The following DNAH14 variants were observed in gnomAD, a reference collection of about 807,000 sequenced individuals.
DNAH14 encodes the protein axonemal beta dynein heavy chain 14.
Under a neutral mutation model 520.9 loss-of-function variants are expected in DNAH14, and 478 were observed. The ratio of observed to expected loss-of-function variants is 0.92; its 90% CI spans 0.85 to 0.99. The LOEUF is 0.99. Among genes scored for constraint, DNAH14 ranks in the 50% least tolerant of loss-of-function variants. The probability of loss-of-function intolerance (pLI) is 0.00; values close to 1 mark genes in which losing one functional copy is unlikely to be tolerated. For missense variants in DNAH14, 4,831 were observed against 5,234.5 expected, an observed-to-expected ratio of 0.92 and a Z score of 2.38; for synonymous variants, 1,581 against 1,757.2, an observed-to-expected ratio of 0.90 and a Z score of 2.51.
intron 41 of DNAH14, among the ~76,000 whole-genome samples, chr1:225,229,772 G>C (rs547051328): frequency 3.3e-5 from 5 of 152,138 alleles, no homozygotes; most frequent in African/African-American, 1.2e-4. Flanking sequence ...TGTCAGGGGT[G>C]GGGGTCAAGG....
At position 224,959,258 on chromosome 1, in the gene DNAH14, C is replaced by A. The variant is rs768367302; in HGVS notation, c.218-895C>A. On this transcript the variant is annotated intron_variant, in intron 3 of 85. Transcript: ENST00000682510. ...ACAGTCCTCTTGTTTTCTTATCTTT[C>A]TCTCATCCCCAGCCACCCTCCTCCT... Among the ~76,000 whole-genome samples, 114 of 151,990 alleles carry A rather than the reference C, an allele frequency of 7.5e-4. 3 individuals carry two copies. Among genetic ancestry groups the A allele is most frequent in the Admixed American group, 2.0e-4 (3 of 15,220 alleles).
At position 225,367,932 on chromosome 1, in the gene DNAH14, T is replaced by G. The variant is rs760882266; in HGVS notation, c.12218T>G (p.Leu4073Ter). The G allele has an allele frequency of 3.9e-6, 6 of 1,551,560 alleles. No individual in the cohort carries two copies. In the African/African-American group the frequency reaches 4.1e-5, roughly 11 times the overall value. Residue 4073 changes from leucine (L) to a stop codon, truncating the protein, a stop_gained, in exon 77 of 86, where the codon TTA (leucine) becomes TGA (stop). Coordinates refer to ENST00000682510, the MANE Select transcript of DNAH14 (RefSeq NM_001367479.1). LOFTEE classifies it high-confidence loss of function. ...TGTGGACAATGGTGGAAAAAACTTT[T>G]ATTTAGCCTATGTTTTTTCAATGCT... ...PDCGQWWKKLLFSLCFFNAVI... is the reference protein window; with the variant it reads ...PDCGQWWKKL
At position 225,140,873 on chromosome 1, in the gene DNAH14, G is replaced by C. The variant is rs1239880626; in HGVS notation, c.4360G>C (p.Val1454Leu). Reference protein sequence around the residue: ...HAGLMCHLEEVADLVVLDTSN... With the variant: ...HAGLMCHLEELADLVVLDTSN... ...TGGTCTGATGTGTCATCTAGAAGAG[G>C]TTGCAGACCTGGTAGTGCTGGATAC... The change falls in exon 28 of 86, where the codon GTT (valine) becomes CTT (leucine). Residue 1454 changes from valine to leucine, a missense_variant. Val to Leu is a conservative substitution (Grantham distance 32). Transcript: ENST00000682510. 1.3e-6 allele frequency: 2 copies of C among 1,551,160 alleles called. No homozygotes were observed. Among genetic ancestry groups the C allele is most frequent in the Non-Finnish European group, 1.7e-6 (2 of 1,146,924 alleles).
chr1:225,314,734 T>A (rs2094435981), intron 60 of DNAH14, among the ~76,000 whole-genome samples: 1 of 152,204 alleles, frequency 6.6e-6, no homozygotes, highest in East Asian at 1.9e-4. Flanking sequence ...TGGTTGAAAA[T>A]TATTTTCTTT....
intron 54 of DNAH14, among the ~76,000 whole-genome samples, chr1:225,279,118 T>C (rs1009792075): frequency 6.6e-6 from 1 of 152,158 alleles, no homozygotes; most frequent in Admixed American, 6.5e-5. Flanking sequence ...TACTTCAGCC[T>C]CCTGAGTAGC....
At chr1:225,242,132 G>A (rs990623672) in intron 43 of DNAH14, among the ~76,000 whole-genome samples, 6 of 152,108 alleles carry the variant, frequency 3.9e-5, no homozygotes, top group African/African-American at 1.2e-4. Flanking sequence ...TACTTGGAAG[G>A]CTGAGGTGAG....
rs1287846189 is a variant in DNAH14 at position 225,374,863 on chromosome 1, A to G, written c.12494A>G (p.Asp4165Gly). The stretch of plus-strand genomic sequence containing the variant: ...TGTAATCCTGAAGTGCTGAAAGATG[A>G]CTTCAGTTTCTCCAGTGATGGGGTA... ...KFCNPEVLKD[D>G]FSFSSDGICL... The change falls in exon 78 of 86, where the codon GAC becomes GGC. Residue 4165 changes from aspartate to glycine, a missense_variant. Coordinates refer to ENST00000682510, the MANE Select transcript of DNAH14 (RefSeq NM_001367479.1). 6.5e-7 allele frequency: 1 copy of G among 1,550,126 alleles called. No individual in the cohort carries two copies. Among genetic ancestry groups the G allele is most frequent in the Non-Finnish European group, 8.7e-7 (1 of 1,146,050 alleles).
At chr1:225,059,861 C>G (rs1024596269) in intron 17 of DNAH14, among the ~76,000 whole-genome samples, 2 of 152,236 alleles carry the variant, frequency 1.3e-5, no homozygotes, top group Non-Finnish European at 2.9e-5. Context: ...GGCCCCCACT[C>G]TCTTCTGACT....
At chr1:225,343,402 AG>A (rs1459603375) in intron 69 of DNAH14, among the ~76,000 whole-genome samples, 1 of 152,198 alleles carries the variant, frequency 6.6e-6, no homozygotes, top group Non-Finnish European at 1.5e-5. Context: ...AAACTTAAGT[AG>A]GGAAAGTAGT....
chr1:225,265,227 T>C lies in DNAH14; in HGVS notation c.7268T>C (p.Leu2423Pro), dbSNP rs1325078465. The C allele has an allele frequency of 6.6e-7, 1 of 1,509,402 alleles. No homozygotes were observed. Among genetic ancestry groups the C allele is most frequent in the Non-Finnish European group, 8.8e-7 (1 of 1,133,648 alleles). The allele number at this position is 1,509,402 out of a possible 1,614,324, so 93.5% of individuals were successfully genotyped here. A position where few individuals can be genotyped will look rare whatever the true frequency, so the allele number is the denominator to read the frequency against. Residue 2423 changes from leucine to proline, a missense_variant, in exon 48 of 86, where the codon CTT becomes CCT. Leu to Pro is a moderately conservative substitution (Grantham distance 98). Transcript: ENST00000682510. ...GAAGTTAGAACTAATAAAAAGTTAC[T>C]TAAAAATAATGATCATAAAGGAGTT... ...KPEVRTNKKLLKNNDHKGVVV... is the reference protein window; with the variant it reads ...KPEVRTNKKLPKNNDHKGVVV...
chr1:225,026,316 T>A (rs2066118821), intron 11 of DNAH14, among the ~76,000 whole-genome samples: 1 of 152,058 alleles, frequency 6.6e-6, no homozygotes, highest in African/African-American at 2.4e-5. Context: ...TTTAAGTGTA[T>A]CTAAGAAATC....
chr1:225,310,450 T>A (rs7553823), intron 60 of DNAH14, among the ~76,000 whole-genome samples: 13,994 of 152,240 alleles, frequency 0.092, 1,079 homozygotes, highest in African/African-American at 0.21. Flanking sequence ...ATACTCTTTT[T>A]AAATATTTTT....
At chr1:224,945,884 G>T (rs1453565617) in intron 1 of DNAH14, among the ~76,000 whole-genome samples, 3 of 152,274 alleles carry the variant, frequency 2.0e-5, no homozygotes, top group Non-Finnish European at 4.4e-5. Context: ...GCCGTGTGAG[G>T]TGTCAGTCTG....
chr1:225,119,053 C>T (rs2077096686), intron 25 of DNAH14, among the ~76,000 whole-genome samples, 167 bp from the exon 26 acceptor site: 1 of 151,954 alleles, frequency 6.6e-6, no homozygotes. Context: ...ATGTTTTCTG[C>T]ATAGTTTTCA....
chr1:224,967,661 A>G (rs2061269088), intron 6 of DNAH14, 78 bp downstream of exon 6: 2 of 1,598,742 alleles, frequency 1.3e-6, no homozygotes, highest in South Asian at 1.1e-5. Context: ...AATTGCATAC[A>G]TTTATCTTTG....
intron 12 of DNAH14, among the ~76,000 whole-genome samples, chr1:225,040,140 C>T (rs1340978264): frequency 6.6e-6 from 1 of 151,686 alleles, no homozygotes; most frequent in East Asian, 2.0e-4. Context: ...GGGGTTTCAC[C>T]GTGTTAGCCA....
chr1:224,992,918 T>A (rs2063153035), intron 8 of DNAH14, among the ~76,000 whole-genome samples: 3 of 152,112 alleles, frequency 2.0e-5, no homozygotes, highest in Non-Finnish European at 4.4e-5. Context: ...CATGAAAGAA[T>A]GTTGAATTTT....
chr1:225,392,026 T>TA (rs2095921445), intron 83 of DNAH14, among the ~76,000 whole-genome samples: 1 of 152,084 alleles, frequency 6.6e-6, no homozygotes, highest in African/African-American at 2.4e-5. Flanking sequence ...ACAGCCCCTC[T>TA]ATCCCCACAA....
Position 225,203,430 on chromosome 1 carries a change from G to A in DNAH14, c.5887-753G>A, listed in dbSNP as rs1232526646. Among the ~76,000 whole-genome samples the A allele has an allele frequency of 3.3e-5, 5 of 152,082 alleles. No individual in the cohort carries two copies. In the East Asian group the frequency reaches 9.6e-4, roughly 29 times the overall value. Reference sequence around the variant, plus strand: ...ACCTGGTTGAAACATGAGCACCTTTGTCTCTCTCTTTTAGAACCTACACTG... The same window carrying A: ...ACCTGGTTGAAACATGAGCACCTTTATCTCTCTCTTTTAGAACCTACACTG... On this transcript the variant is annotated intron_variant, in intron 38 of 85. Transcript: ENST00000682510.
Sources: gnomAD v4.1 joint callset for allele counts (sites outside exome capture counted in the v4.1 genomes callset) on GRCh38, gnomAD v4.1.1 for gene constraint, MANE v1.5 for transcripts, NCBI Gene and HGNC (gene_info 2026-07-23, HGNC 2026-07-21) for gene names.